The following WDR25 variants were observed in gnomAD, a reference collection of about 807,000 sequenced individuals.
WDR25 encodes WD repeat-containing protein 25.
In WDR25, 35 loss-of-function variants were observed where a neutral mutation model predicts 47.7. That is an observed-to-expected ratio of 0.73 (90% confidence interval 0.56 to 0.97). The LOEUF is 0.97. WDR25 is among the 50% of genes least tolerant of loss of function. The pLI, the probability that WDR25 is intolerant of heterozygous loss-of-function variation, is 0.00. For missense variants in WDR25, 634 were observed against 704.7 expected (o/e 0.90, Z 1.14); for synonymous variants, 248 against 278.9 (o/e 0.89, Z 1.10).
chr14:100,454,571 G>A (rs1450967099), intron 2 of WDR25: 1 of 616,422 alleles, frequency 1.6e-6, no homozygotes, highest in Non-Finnish European at 2.7e-6. Context: ...AAAAAAGCAG[G>A]CAGAGACTGG....
intron 2 of WDR25, among the ~76,000 whole-genome samples, chr14:100,426,802 G>C (rs1275420240): frequency 1.3e-5 from 2 of 152,150 alleles, no homozygotes; most frequent in Non-Finnish European, 1.5e-5. Context: ...ACCGGGCACA[G>C]AGAAACAAAA....
intron 2 of WDR25, among the ~76,000 whole-genome samples, chr14:100,453,444 G>A (rs1259748078): frequency 2.0e-5 from 3 of 152,134 alleles, no homozygotes; most frequent in African/African-American, 4.8e-5. Flanking sequence ...GAGTTAATTC[G>A]GTTAACTCAG....
intron 2 of WDR25, among the ~76,000 whole-genome samples, chr14:100,383,529 C>A (rs1045364822): frequency 6.6e-6 from 1 of 152,260 alleles, no homozygotes; most frequent in Non-Finnish European, 1.5e-5. Context: ...TACCTGCCCG[C>A]TCACCTCTGG....
intron 2 of WDR25, among the ~76,000 whole-genome samples, chr14:100,394,491 T>C (rs1897214678): frequency 6.6e-6 from 1 of 152,230 alleles, no homozygotes; most frequent in African/African-American, 2.4e-5. Context: ...ACTTCTTTCT[T>C]CATTTGGTCA....
chr14:100,443,768 C>T (rs977614869), intron 2 of WDR25, among the ~76,000 whole-genome samples: 5 of 152,248 alleles, frequency 3.3e-5, no homozygotes, highest in East Asian at 3.9e-4. Flanking sequence ...TAATTGGGAG[C>T]GCTCCGGGCT....
At chr14:100,493,902 A>C (rs1297790645) in intron 4 of WDR25, among the ~76,000 whole-genome samples, 1 of 152,112 alleles carries the variant, frequency 6.6e-6, no homozygotes, top group African/African-American at 2.4e-5. Flanking sequence ...TCTCTCCACC[A>C]CGTGAGGATA....
chr14:100,413,500 G>T (rs1312631773), intron 2 of WDR25, among the ~76,000 whole-genome samples: 1 of 149,988 alleles, frequency 6.7e-6, no homozygotes, highest in Non-Finnish European at 1.5e-5. Flanking sequence ...TGCGACCTCC[G>T]CCTCCCGGGT....
chr14:100,404,550 C>T lies in WDR25; in HGVS notation c.822+22804C>T, dbSNP rs1036538914. Among the ~76,000 whole-genome samples, 5 of 152,184 alleles carry T rather than the reference C, an allele frequency of 3.3e-5. No homozygotes were observed. The highest frequency in any genetic ancestry group is 5.9e-5 in the Non-Finnish European group (4 of 68,024). On this transcript the variant is annotated intron_variant, in intron 2 of 6. Coordinates refer to ENST00000402312, the MANE Select transcript of WDR25 (RefSeq NM_001161476.3). The surrounding 1 kb of genome is among the most constrained non-coding windows in gnomAD (Gnocchi z 4.6). The stretch of plus-strand genomic sequence containing the variant: ...GGCCCCTACCTGTGGGCTGCGTGGG[C>T]CAGGAGGGTCAGCAGGCCCTTGGGG...
At chr14:100,423,767 T>C (rs2140217444) in intron 2 of WDR25, among the ~76,000 whole-genome samples, 1 of 152,354 alleles carries the variant, frequency 6.6e-6, no homozygotes, top group South Asian at 2.1e-4. Context: ...CTTATCTGTG[T>C]TGAGAACCAG....
At chr14:100,516,211 A>G (rs566524241) in intron 4 of WDR25, among the ~76,000 whole-genome samples, 1 of 152,168 alleles carries the variant, frequency 6.6e-6, no homozygotes, top group Non-Finnish European at 1.5e-5. Context: ...GAACAAAAAC[A>G]GCCTTTAGAC....
At chr14:100,481,729 C>G (rs1900211496) in intron 3 of WDR25, among the ~76,000 whole-genome samples, 1 of 151,974 alleles carries the variant, frequency 6.6e-6, no homozygotes. Flanking sequence ...CATTGCTCTC[C>G]CTGTCAGAAT....
Position 100,432,973 on chromosome 14 carries a change from G to T in WDR25, c.823-35048G>T, listed in dbSNP as rs987378792. 3.3e-5 allele frequency among the ~76,000 whole-genome samples: 5 copies of T among 152,346 alleles called. No homozygotes were observed. In the East Asian group the frequency reaches 7.7e-4, roughly 23 times the overall value. On this transcript the variant is annotated intron_variant, in intron 2 of 6. Coordinates refer to ENST00000402312, the MANE Select transcript of WDR25 (RefSeq NM_001161476.3). ...CTGTAGGCAATTGGAACACAATGGG[G>T]CATTTGTGTATCTACACATATCTGA...
chr14:100,447,477 C>T (rs1898876805), intron 2 of WDR25, among the ~76,000 whole-genome samples: 1 of 152,212 alleles, frequency 6.6e-6, no homozygotes, highest in Non-Finnish European at 1.5e-5. Context: ...CTGCAGCTCT[C>T]TTCCGGTCTC....
At chr14:100,451,433 T>G (rs1899027867) in intron 2 of WDR25, among the ~76,000 whole-genome samples, 1 of 152,114 alleles carries the variant, frequency 6.6e-6, no homozygotes, top group Admixed American at 6.5e-5. Context: ...TGCCCCAGGC[T>G]GGTCTCGAAC....
intron 2 of WDR25, among the ~76,000 whole-genome samples, chr14:100,405,105 C>T (rs1475489805): frequency 6.6e-6 from 1 of 151,898 alleles, no homozygotes; most frequent in South Asian, 2.1e-4. Context: ...GAGCCTAAGT[C>T]TTGGGCAAAG....
At chr14:100,387,004 T>C (rs760637907) in intron 2 of WDR25, among the ~76,000 whole-genome samples, 1 of 152,000 alleles carries the variant, frequency 6.6e-6, no homozygotes, top group Non-Finnish European at 1.5e-5. Context: ...GTACCACTGT[T>C]GTACTCCTTG....
chr14:100,393,120 T>A (rs377577986), intron 2 of WDR25, among the ~76,000 whole-genome samples: 1 of 152,254 alleles, frequency 6.6e-6, no homozygotes, highest in East Asian at 1.9e-4. Flanking sequence ...ACACCAAAAT[T>A]GCTTTCAGAA....
At chr14:100,427,266 A>C (rs1270745045) in intron 2 of WDR25, among the ~76,000 whole-genome samples, 2 of 151,886 alleles carry the variant, frequency 1.3e-5, no homozygotes, top group Non-Finnish European at 2.9e-5. Flanking sequence ...TTTCCCACGA[A>C]GCCCTCCATG....
chr14:100,508,894 A>G (rs1199531976), intron 4 of WDR25, among the ~76,000 whole-genome samples: 1 of 152,174 alleles, frequency 6.6e-6, no homozygotes, highest in Non-Finnish European at 1.5e-5. Flanking sequence ...ATGTTGAATT[A>G]CATTGATTTT....
Sources: allele counts gnomAD v4.1 joint callset (sites outside exome capture counted in the v4.1 genomes callset), GRCh38; gene constraint gnomAD v4.1.1; non-coding constraint Gnocchi (gnomAD v3.1); transcripts MANE v1.5; gene names NCBI Gene and HGNC (gene_info 2026-07-23, HGNC 2026-07-21).